Variants in CEP126 observed in about 807,000 individuals in gnomAD.
CEP126 encodes centrosomal protein 126.
A neutral mutation model predicts 107.8 loss-of-function variants in CEP126; 74 were observed. The ratio of observed to expected loss-of-function variants is 0.69; its 90% CI spans 0.57 to 0.83. CEP126 has a LOEUF of 0.83. CEP126 is among the 40% of genes least tolerant of loss of function. The probability of loss-of-function intolerance (pLI) is 0.00; values close to 1 mark genes in which losing one functional copy is unlikely to be tolerated. For synonymous variants in CEP126, 449 were observed against 446.0 expected (o/e 1.01, Z -0.08); for missense variants, 1,237 against 1,281.9 (o/e 0.96, Z 0.53).
At chr11:101,968,667 G>A (rs907691707) in intron 6 of CEP126, among the ~76,000 whole-genome samples, 22 of 152,172 alleles carry the variant, frequency 1.4e-4, no homozygotes, top group Admixed American at 6.5e-4. Context: ...CATAGTATAA[G>A]TTATGGGCTT....
chr11:101,917,060 G>C (rs1489528428), intron 1 of CEP126, among the ~76,000 whole-genome samples: 1 of 148,576 alleles, frequency 6.7e-6, no homozygotes, highest in African/African-American at 2.5e-5. Context: ...GTGTGTGTGT[G>C]TGTGTGTGTG....
Position 101,963,666 on chromosome 11 carries a change from A to T in CEP126, c.2631A>T (p.Ser877=), listed in dbSNP as rs755062886. 14 of 1,614,150 alleles carry T rather than the reference A, an allele frequency of 8.7e-6. No individual in the cohort carries two copies. Among genetic ancestry groups the T allele is most frequent in the Non-Finnish European group, 1.2e-5 (14 of 1,180,022 alleles). ...DLVTVIPSLP[S]YCSSECQTFA... Reference sequence around the variant, plus strand: ...TCACTGTGATACCATCACTGCCATCATATTGTTCTTCAGAGTGCCAAACTT... The same window carrying T: ...TCACTGTGATACCATCACTGCCATCTTATTGTTCTTCAGAGTGCCAAACTT... The change falls in exon 6 of 11, where the codon TCA becomes TCT. Residue 877 remains serine (S), a synonymous_variant. Coordinates refer to ENST00000263468, the MANE Select transcript of CEP126 (RefSeq NM_020802.4).
chr11:101,918,375 G>A (rs534050028), intron 1 of CEP126, among the ~76,000 whole-genome samples: 16 of 152,296 alleles, frequency 1.1e-4, no homozygotes, highest in Admixed American at 7.2e-4. Flanking sequence ...TTGAGACTGC[G>A]AGGTGGAGGT....
chr11:101,978,519 G>A (rs1941219478), intron 7 of CEP126, 60 bp downstream of exon 7: 1 of 1,023,026 alleles, frequency 9.8e-7, no homozygotes, highest in Admixed American at 1.9e-5. Context: ...GGAAAACAGA[G>A]GTTCTTAAAG....
At chr11:101,971,536 G>C (rs183087915) in intron 6 of CEP126, among the ~76,000 whole-genome samples, 80 of 151,540 alleles carry the variant, frequency 5.3e-4, no homozygotes, top group Middle Eastern at 3.4e-3. Flanking sequence ...AGGTTTGGGC[G>C]GGGGGAGGTG....
rs145321597 is a variant in CEP126, at chr11:101,992,055, T to C, written c.3245-723T>C. Among the ~76,000 whole-genome samples, 540 of 152,214 alleles carry C rather than the reference T, an allele frequency of 3.5e-3. 3 individuals are homozygous for C. Among genetic ancestry groups the C allele is most frequent in the African/African-American group, 0.012 (519 of 41,528 alleles). ...CCAAGGTAGTGATAATGTTCAAATT[T>C]CTTAATCTAGGTGGTTCCACAGACA... On this transcript the variant is annotated intron_variant, in intron 9 of 10. Transcript: ENST00000263468.
intron 9 of CEP126, among the ~76,000 whole-genome samples, chr11:101,988,206 G>A (rs1227473337): frequency 6.6e-6 from 1 of 152,054 alleles, no homozygotes; most frequent in Non-Finnish European, 1.5e-5. Context: ...TAAAGAAAGA[G>A]CAAACAGATT....
At chr11:101,923,730 G>A (rs1940366785) in intron 2 of CEP126, among the ~76,000 whole-genome samples, 1 of 152,170 alleles carries the variant, frequency 6.6e-6, no homozygotes, top group Non-Finnish European at 1.5e-5. Flanking sequence ...TGTGACAGGT[G>A]TTCAGTAAAG....
intron 2 of CEP126, among the ~76,000 whole-genome samples, chr11:101,943,406 T>A (rs1233172993): frequency 1.3e-5 from 2 of 152,054 alleles, no homozygotes; most frequent in Non-Finnish European, 2.9e-5. Context: ...GCACTAAAAA[T>A]TCTAAAAGAG....
chr11:101,956,444 T>C (rs759184956), intron 4 of CEP126: 2 of 456,516 alleles, frequency 4.4e-6, no homozygotes, highest in Non-Finnish European at 8.8e-6. Context: ...AGCCACAGCA[T>C]TGTCAAATCA....
intron 8 of CEP126, among the ~76,000 whole-genome samples, chr11:101,985,847 C>G (rs1433028202): frequency 6.6e-6 from 1 of 152,116 alleles, no homozygotes; most frequent in African/African-American, 2.4e-5. Context: ...TAAGCTTTGT[C>G]AAAGAACCTT....
chr11:101,925,497 G>A (rs933556820), intron 2 of CEP126, among the ~76,000 whole-genome samples: 5 of 151,020 alleles, frequency 3.3e-5, no homozygotes, highest in Non-Finnish European at 7.4e-5. Context: ...CTGGCCGGGC[G>A]TGGTGACTCA....
At chr11:101,923,607 T>A (rs1394351968) in intron 2 of CEP126, among the ~76,000 whole-genome samples, 1 of 152,214 alleles carries the variant, frequency 6.6e-6, no homozygotes, top group African/African-American at 2.4e-5. Flanking sequence ...TCAGATTAAC[T>A]TTTTTATTGT....
chr11:101,934,111 C>G (rs775800436), intron 2 of CEP126, among the ~76,000 whole-genome samples: 1 of 152,018 alleles, frequency 6.6e-6, no homozygotes, highest in Non-Finnish European at 1.5e-5. Context: ...CTAAAATCCT[C>G]CAGCTGTCTT....
intron 10 of CEP126, among the ~76,000 whole-genome samples, chr11:101,993,368 T>C (rs1461303194): frequency 6.6e-6 from 1 of 152,230 alleles, no homozygotes; most frequent in Non-Finnish European, 1.5e-5. Context: ...GCTCTATCCA[T>C]GTTGCTGCAA....
chr11:101,938,918 T>A (rs1427768778), intron 2 of CEP126, among the ~76,000 whole-genome samples: 1 of 152,180 alleles, frequency 6.6e-6, no homozygotes, highest in Non-Finnish European at 1.5e-5. Flanking sequence ...AATGTAAATG[T>A]GTTTTGGTCA....
At chr11:101,960,568 A>T (rs552585768) in intron 5 of CEP126, among the ~76,000 whole-genome samples, 2 of 152,172 alleles carry the variant, frequency 1.3e-5, no homozygotes, top group Non-Finnish European at 2.9e-5. Flanking sequence ...GGATGTGATA[A>T]ATAGGGACTA....
chr11:101,943,080 G>A (rs969760233), intron 2 of CEP126, among the ~76,000 whole-genome samples: 17 of 150,076 alleles, frequency 1.1e-4, no homozygotes, highest in Admixed American at 2.0e-4. Context: ...TTTCCAGTCC[G>A]GATGCCTTTT....
At chr11:101,926,175 A>G (rs1204732312) in intron 2 of CEP126, among the ~76,000 whole-genome samples, 3 of 152,212 alleles carry the variant, frequency 2.0e-5, no homozygotes, top group Admixed American at 6.5e-5. Flanking sequence ...TAAGTACTAC[A>G]ATAGCATCAC....
Sources: gnomAD v4.1 joint callset for allele counts (sites outside exome capture counted in the v4.1 genomes callset) on GRCh38, gnomAD v4.1.1 for gene constraint, MANE v1.5 for transcripts, NCBI Gene and HGNC (gene_info 2026-07-23, HGNC 2026-07-21) for gene names.